Variants in ZNF787 observed in about 807,000 individuals in gnomAD.
ZNF787 encodes zinc finger protein 787, also known as TTF-I-interacting peptide 20.
A neutral mutation model predicts 16.9 loss-of-function variants in ZNF787; 7 were observed. The observed-to-expected ratio is 0.42, with a 90% CI of 0.24 to 0.78. The LOEUF is 0.78. Ranked by LOEUF, ZNF787 falls within the 30% of genes least tolerant of loss-of-function variation. ZNF787 has a pLI of 0.30. For synonymous variants in ZNF787, 345 were observed against 270.9 expected (o/e 1.27, Z -2.69); for missense variants, 551 against 589.3 (o/e 0.94, Z 0.67).
At chr19:56,091,484 C>G (rs917799317) in intron 2 of ZNF787, among the ~76,000 whole-genome samples, 1 of 152,110 alleles carries the variant, frequency 6.6e-6, no homozygotes, top group African/African-American at 2.4e-5. Flanking sequence ...GAGCCATGTC[C>G]TCACCTCCCA....
At chr19:56,099,295 C>A (rs920370830) in intron 2 of ZNF787, among the ~76,000 whole-genome samples, 1 of 152,200 alleles carries the variant, frequency 6.6e-6, no homozygotes, top group Non-Finnish European at 1.5e-5. Context: ...GCACCCTGAG[C>A]GACCTGGTGC....
At chr19:56,089,606 C>T (rs1469634633) in intron 2 of ZNF787, among the ~76,000 whole-genome samples, 3 of 152,132 alleles carry the variant, frequency 2.0e-5, no homozygotes, top group African/African-American at 7.2e-5. Context: ...GTGTCACATT[C>T]GGGCTCCAGG....
At chr19:56,112,262 G>A (rs2030001918) in intron 1 of ZNF787, among the ~76,000 whole-genome samples, 1 of 152,136 alleles carries the variant, frequency 6.6e-6, no homozygotes, top group East Asian at 1.9e-4. Flanking sequence ...CCAGAAAGCT[G>A]GGAATTGCAC....
chr19:56,115,794 T>G (rs1336959934), intron 1 of ZNF787, among the ~76,000 whole-genome samples: 2 of 152,168 alleles, frequency 1.3e-5, no homozygotes. Context: ...TCATCTACTG[T>G]CAGGGTGCAG....
At chr19:56,094,933 A>C (rs1054103333) in intron 2 of ZNF787, among the ~76,000 whole-genome samples, 17 of 152,142 alleles carry the variant, frequency 1.1e-4, no homozygotes, top group African/African-American at 4.1e-4. Flanking sequence ...CAATGTGGTG[A>C]AACCCCATCT....
chr19:56,098,942 G>A (rs189695712), intron 2 of ZNF787, among the ~76,000 whole-genome samples: 254 of 152,188 alleles, frequency 1.7e-3, no homozygotes, highest in Non-Finnish European at 2.6e-3. Flanking sequence ...GGACACTGCC[G>A]GAGCTTCCTG....
intron 2 of ZNF787, among the ~76,000 whole-genome samples, chr19:56,098,214 G>C (rs970412658): frequency 2.0e-5 from 3 of 152,208 alleles, no homozygotes; most frequent in African/African-American, 7.2e-5. Context: ...TCTGAACAGG[G>C]GACATGGCCG....
intron 2 of ZNF787, among the ~76,000 whole-genome samples, chr19:56,096,715 AAAATAAATAAAT>A (rs999335248): frequency 6.6e-6 from 1 of 152,266 alleles, no homozygotes; most frequent in African/African-American, 2.4e-5. Flanking sequence ...TCCGTCTCAG[AAAATAAATAAAT>A]AAATAAAAAT....
At chr19:56,089,181 G>T (rs758396949) in intron 2 of ZNF787, 89 bp from the exon 3 acceptor site, 2 of 962,740 alleles carry the variant, frequency 2.1e-6, no homozygotes, top group East Asian at 6.0e-5. Flanking sequence ...CGGGTGCCTC[G>T]CTCCCCCTGG....
chr19:56,088,175 G>C lies in ZNF787; in HGVS notation c.997C>G (p.Arg333Gly), dbSNP rs753941196. 4 of 1,549,066 alleles carry C rather than the reference G, an allele frequency of 2.6e-6. No homozygotes were observed. The highest frequency in any genetic ancestry group is 1.7e-6 in the Non-Finnish European group (2 of 1,153,166). The change falls in exon 3 of 3, where the codon CGG becomes GGG. Residue 333 changes from arginine to glycine, a missense_variant. Physicochemically the swap from Arg to Gly is moderately radical, Grantham distance 125. Coordinates refer to ENST00000610935, the MANE Select transcript of ZNF787 (RefSeq NM_001002836.4). The surrounding 1 kb of genome is among the most constrained non-coding windows in gnomAD (Gnocchi z 8.6). Reference sequence around the variant, plus strand: ...ACCGCGTGGATCTTCTTGTGTCTCCGGAGCGCGGCGCCCTGCACGAAGCCC... The same window carrying C: ...ACCGCGTGGATCTTCTTGTGTCTCCCGAGCGCGGCGCCCTGCACGAAGCCC... ...GEGFVQGAAL[R>G]RHKKIHAVGA...
intron 2 of ZNF787, among the ~76,000 whole-genome samples, chr19:56,098,856 T>C (rs376327413): frequency 3.9e-5 from 5 of 129,040 alleles, no homozygotes; most frequent in Admixed American, 7.5e-5. Flanking sequence ...CAGGGTGATA[T>C]GGCCACCCGG....
intron 2 of ZNF787, among the ~76,000 whole-genome samples, chr19:56,094,209 A>ATTTTTTTTTTTTTTTTT (rs1197291892): frequency 1.6e-5 from 1 of 60,932 alleles, no homozygotes; most frequent in Non-Finnish European, 3.3e-5. Flanking sequence ...TTTTTTTTTC[A>ATTTTTTTTTTTTTTTTT]TTTTCAGTAG....
At chr19:56,107,084 T>C (rs905613935) in intron 1 of ZNF787, among the ~76,000 whole-genome samples, 4 of 151,532 alleles carry the variant, frequency 2.6e-5, no homozygotes, top group African/African-American at 9.7e-5. Context: ...GGGCAGCCCC[T>C]GGCCACCCCA....
At chr19:56,111,762 C>T (rs2029986791) in intron 1 of ZNF787, among the ~76,000 whole-genome samples, 1 of 152,134 alleles carries the variant, frequency 6.6e-6, no homozygotes, top group African/African-American at 2.4e-5. Context: ...TGTGAAACAA[C>T]CAGCCTGGGT....
chr19:56,100,075 G>A (rs1388864188), intron 2 of ZNF787, among the ~76,000 whole-genome samples: 1 of 152,156 alleles, frequency 6.6e-6, no homozygotes, highest in East Asian at 1.9e-4. Context: ...TACTCGGGAT[G>A]TATTCCCAGA....
intron 2 of ZNF787, among the ~76,000 whole-genome samples, chr19:56,093,525 G>T (rs368070155): frequency 6.6e-6 from 1 of 152,116 alleles, no homozygotes; most frequent in African/African-American, 2.4e-5. Context: ...GGTCTTGGCC[G>T]ACTGAGACAT....
At chr19:56,111,628 T>C (rs1183271731) in intron 1 of ZNF787, among the ~76,000 whole-genome samples, 1 of 151,852 alleles carries the variant, frequency 6.6e-6, no homozygotes, top group Admixed American at 6.6e-5. Context: ...CAGGGTCTGG[T>C]CGCTCTTCTA....
chr19:56,092,809 G>T (rs143468702), intron 2 of ZNF787, among the ~76,000 whole-genome samples: 317 of 151,894 alleles, frequency 2.1e-3, no homozygotes, highest in African/African-American at 7.3e-3. Flanking sequence ...CATAGACGCA[G>T]GGGGTGGCGG....
chr19:56,090,192 C>T lies in ZNF787; in HGVS notation c.80-1100G>A, dbSNP rs558296196. Reference sequence around the variant, plus strand: ...CCCAAACACCCTCCCAGATGCCACGCTGGCAAACACGCAAGGAAGGGCCAT... The same window carrying T: ...CCCAAACACCCTCCCAGATGCCACGTTGGCAAACACGCAAGGAAGGGCCAT... On this transcript the variant is annotated intron_variant, in intron 2 of 2. Transcript: ENST00000610935. Among the ~76,000 whole-genome samples the T allele has an allele frequency of 2.0e-5, 3 of 152,342 alleles. No homozygotes were observed. The East Asian group carries it at 5.8e-4, about 29-fold the overall frequency.
Sources: allele counts gnomAD v4.1 joint callset (sites outside exome capture counted in the v4.1 genomes callset), GRCh38; gene constraint gnomAD v4.1.1; non-coding constraint Gnocchi (gnomAD v3.1); transcripts MANE v1.5; gene names NCBI Gene and HGNC (gene_info 2026-07-23, HGNC 2026-07-21).